Variants in CPS1 observed in about 807,000 individuals in gnomAD.
CPS1 encodes carbamoyl-phosphate synthase [ammonia], mitochondrial.
In CPS1, 109 loss-of-function variants were observed where a neutral mutation model predicts 174.6. The observed-to-expected ratio is 0.62, with a 90% confidence interval of 0.53 to 0.73. CPS1 has a LOEUF of 0.73. Among genes scored for constraint, CPS1 ranks in the 30% least tolerant of loss-of-function variants. The pLI, the probability that CPS1 is intolerant of heterozygous loss-of-function variation, is 0.00. For synonymous variants in CPS1, 637 were observed against 632.0 expected, an observed-to-expected ratio of 1.01 and a Z score of -0.12; for missense variants, 1,689 against 1,821.9, an observed-to-expected ratio of 0.93 and a Z score of 1.33.
intron 20 of CPS1, among the ~76,000 whole-genome samples, chr2:210,614,883 G>T (rs1044354781): frequency 1.3e-5 from 2 of 151,648 alleles, no homozygotes; most frequent in Non-Finnish European, 2.9e-5. Context: ...GGGGCCTGTC[G>T]GGGGGTGGGG....
intron 18 of CPS1, 41 bp downstream of exon 18, chr2:210,606,982 T>C (rs1355063834): frequency 6.3e-7 from 1 of 1,575,368 alleles, no homozygotes; most frequent in African/African-American, 1.4e-5. Flanking sequence ...CAGATTCTTT[T>C]CAGATAGAAA....
chr2:210,675,937 A>C, intron 36 of CPS1, 97 bp downstream of exon 36: 1 of 737,714 alleles, frequency 1.4e-6, no homozygotes. Flanking sequence ...CAAGTCTTTT[A>C]AAACAAATTT....
intron 13 of CPS1, among the ~76,000 whole-genome samples, chr2:210,598,776 C>T (rs1698596553): frequency 6.6e-6 from 1 of 151,820 alleles, no homozygotes; most frequent in Non-Finnish European, 1.5e-5. Flanking sequence ...GAGGTATCAA[C>T]ACTCCACTGA....
At chr2:210,517,045 T>C (rs887920066) in intron 1 of CPS1, among the ~76,000 whole-genome samples, 2 of 151,994 alleles carry the variant, frequency 1.3e-5, no homozygotes, top group Non-Finnish European at 2.9e-5. Flanking sequence ...TTTGGCTTAG[T>C]CTTTTCTATA....
Position 210,616,277 on chromosome 2 carries a change from T to A in CPS1, c.2569-146T>A. 4.3e-6 allele frequency: 3 copies of A among 689,686 alleles called. No individual in the cohort carries two copies. In the South Asian group the frequency reaches 4.7e-5, roughly 11 times the overall value. 42.7% of individuals were successfully genotyped at this position (689,686 alleles called of 1,614,324 possible). A position where few individuals can be genotyped will look rare whatever the true frequency, so the allele number is the denominator to read the frequency against. ...TTATGTTTATTGGAAGGAATGTCAG[T>A]GATGTCAGTTTCATGTTTTGTAACT... On this transcript the variant is annotated intron_variant, in intron 20 of 37. Transcript: ENST00000233072.
In CPS1 at chr2:210,577,441, G is replaced by A. The variant is rs768648800; in HGVS notation, c.402G>A (p.Leu134=). ...NGIKVSGLLV[L]DYSKDYNHWL... is the part of the protein sequence containing the mutation. The stretch of plus-strand genomic sequence containing the variant: ...TCTAGGTTTCAGGTTTGCTGGTGCT[G>A]GATTATAGTAAAGACTACAACCACT... Residue 134 remains leucine, a synonymous_variant, in exon 4 of 38, where the codon CTG becomes CTA. Coordinates refer to ENST00000233072, the MANE Select transcript of CPS1 (RefSeq NM_001875.5). The A allele has an allele frequency of 5.5e-5, 88 of 1,613,660 alleles. No individual in the cohort carries two copies. The highest frequency in any genetic ancestry group is 7.0e-5 in the Non-Finnish European group (83 of 1,179,836).
In CPS1 at chr2:210,557,214, G is replaced by A. The variant is rs527608207; in HGVS notation, c.126+355G>A. 5.3e-5 allele frequency among the ~76,000 whole-genome samples: 8 copies of A among 152,158 alleles called. No individual in the cohort carries two copies. In the South Asian group the frequency reaches 1.7e-3, roughly 32 times the overall value. ...AAAAAATGGAGCTGCTTATATGTGT[G>A]TGAGCCACATTATGGTACACAGTGT... On this transcript the variant is annotated intron_variant, in intron 1 of 37. Transcript: ENST00000233072.
chr2:210,579,908 C>T, intron 5 of CPS1, 138 bp downstream of exon 5: 1 of 723,222 alleles, frequency 1.4e-6, no homozygotes, highest in Non-Finnish European at 2.4e-6. Context: ...CTATCTGGGT[C>T]TCTGTTATTT....
At chr2:210,510,767 G>C (rs1315347965) in intron 1 of CPS1, among the ~76,000 whole-genome samples, 1 of 151,188 alleles carries the variant, frequency 6.6e-6, no homozygotes, top group Admixed American at 6.6e-5. Context: ...GCAGCCAAAA[G>C]ACACATGAAA....
intron 1 of CPS1, among the ~76,000 whole-genome samples, chr2:210,497,363 G>A (rs890175509): frequency 5.3e-5 from 8 of 151,950 alleles, no homozygotes; most frequent in Admixed American, 5.2e-4. Context: ...TACCTCGGGA[G>A]GTTTATACTT....
chr2:210,555,779 C>T (rs1228664622), upstream of CPS1: 2 of 407,888 alleles, frequency 4.9e-6, no homozygotes, highest in Non-Finnish European at 1.0e-5. Context: ...AGTGAGGCCC[C>T]TTGAGAGCCT....
chr2:210,617,606 G>C (rs1699355072), intron 21 of CPS1: 1 of 151,878 alleles, frequency 6.6e-6, no homozygotes, highest in South Asian at 2.1e-4. Flanking sequence ...AGAAAAATTA[G>C]GTTCTTTTTC....
chr2:210,568,032 G>A (rs1210319059), intron 1 of CPS1, among the ~76,000 whole-genome samples: 1 of 152,138 alleles, frequency 6.6e-6, no homozygotes, highest in Non-Finnish European at 1.5e-5. Context: ...GGCTATTTCA[G>A]TGGGGATACA....
intron 31 of CPS1, 144 bp downstream of exon 31, chr2:210,658,832 T>C (rs1305424357): frequency 2.9e-6 from 2 of 697,682 alleles, no homozygotes; most frequent in African/African-American, 1.8e-5. Flanking sequence ...TGTGGAATGA[T>C]GCATAGCATA....
chr2:210,513,057 TGGAG>T (rs1458929652), intron 1 of CPS1, among the ~76,000 whole-genome samples: 37 of 15,820 alleles, frequency 2.3e-3, no homozygotes, highest in African/African-American at 4.4e-3. Flanking sequence ...TATATATATA[TGGAG>T]ATATATATGT....
intron 33 of CPS1, among the ~76,000 whole-genome samples, chr2:210,665,293 T>G (rs1004955802): frequency 6.6e-6 from 1 of 152,140 alleles, no homozygotes; most frequent in Non-Finnish European, 1.5e-5. Flanking sequence ...GAAATGAATT[T>G]AGCCATCAGT....
intron 2 of CPS1, among the ~76,000 whole-genome samples, chr2:210,574,434 T>C (rs979911555): frequency 6.6e-6 from 1 of 152,108 alleles, no homozygotes; most frequent in African/African-American, 2.4e-5. Context: ...TTTATATTCT[T>C]TCTTAAACTC....
intron 1 of CPS1, among the ~76,000 whole-genome samples, chr2:210,515,639 T>C (rs2105981537): frequency 6.6e-6 from 1 of 151,874 alleles, no homozygotes; most frequent in East Asian, 1.9e-4. Flanking sequence ...GTTTATTCTT[T>C]CAAAGAACCC....
intron 1 of CPS1, among the ~76,000 whole-genome samples, chr2:210,505,915 G>A (rs902647788): frequency 6.6e-6 from 1 of 151,956 alleles, no homozygotes; most frequent in African/African-American, 2.4e-5. Context: ...GGAGCCCACC[G>A]CAGCTCAAGG....
Sources: gnomAD v4.1 joint callset for allele counts (sites outside exome capture counted in the v4.1 genomes callset) on GRCh38, gnomAD v4.1.1 for gene constraint, MANE v1.5 for transcripts, NCBI Gene and HGNC (gene_info 2026-07-23, HGNC 2026-07-21) for gene names.